The following CC2D2B variants were observed in gnomAD, a reference collection of about 807,000 sequenced individuals.
The protein encoded by CC2D2B is protein CC2D2B.
In CC2D2B, 128 loss-of-function variants were observed where a neutral mutation model predicts 161.2. The observed-to-expected ratio is 0.79, with a 90% CI of 0.69 to 0.92. The LOEUF (loss-of-function observed/expected upper bound fraction) is 0.92. CC2D2B is among the 40% of genes least tolerant of loss of function. CC2D2B has a pLI of 0.00. For missense variants in CC2D2B, 1,173 were observed against 1,375.1 expected, an observed-to-expected ratio of 0.85 and a Z score of 2.32; for synonymous variants, 391 against 449.8, an observed-to-expected ratio of 0.87 and a Z score of 1.65.
At chr10:96,021,862 G>A (rs549514996) in intron 32 of CC2D2B, among the ~76,000 whole-genome samples, 8 of 152,356 alleles carry the variant, frequency 5.3e-5, no homozygotes, top group Non-Finnish European at 7.3e-5. Context: ...AAATATGGAA[G>A]AATGCAAAGA....
intron 30 of CC2D2B, among the ~76,000 whole-genome samples, chr10:96,018,444 T>A (rs1487850877): frequency 6.6e-6 from 1 of 152,244 alleles, no homozygotes; most frequent in Non-Finnish European, 1.5e-5. Context: ...TTCCTATCTC[T>A]GCCTGGTGTT....
chr10:95,951,709 T>C (rs968372408), intron 10 of CC2D2B, among the ~76,000 whole-genome samples: 2 of 152,214 alleles, frequency 1.3e-5, no homozygotes, highest in Non-Finnish European at 2.9e-5. Flanking sequence ...AAAATCTGAT[T>C]TAGCAATATC....
chr10:95,968,515 A>G (rs1314804760), intron 14 of CC2D2B, among the ~76,000 whole-genome samples: 5 of 152,222 alleles, frequency 3.3e-5, no homozygotes, highest in Non-Finnish European at 5.9e-5. Context: ...TTTTGAATAC[A>G]TATTTTGAGT....
At position 95,950,082 on chromosome 10, in the gene CC2D2B, G is replaced by A; in HGVS notation, c.988G>A (p.Val330Ile). ...ECFQDRQQQNVSQLLYEKLKA... is the reference protein window; with the variant it reads ...ECFQDRQQQNISQLLYEKLKA... ...TTTTCAGGACAGGCAGCAACAGAAT[G>A]TATCTCAGCTGCTTTATGAGAAGGT... Residue 330 changes from valine to isoleucine, a missense_variant, in exon 10 of 35, where the codon GTA (valine) becomes ATA (isoleucine). This residue lies in a region of CC2D2B where 298 missense variants were observed against 261.2 expected (regional missense o/e 1.14). Coordinates refer to ENST00000646931, the MANE Select transcript of CC2D2B (RefSeq NM_001349008.3). 2 of 398,784 alleles carry A rather than the reference G, an allele frequency of 5.0e-6. No homozygotes were observed. 24.7% of individuals were successfully genotyped at this position (398,784 alleles called of 1,614,324 possible).
In CC2D2B at chr10:95,935,978, G is replaced by A. The variant is rs186734326; in HGVS notation, c.337-2013G>A. On this transcript the variant is annotated intron_variant, in intron 6 of 34. Coordinates refer to ENST00000646931, the MANE Select transcript of CC2D2B (RefSeq NM_001349008.3). ...ATTTGAATGAATATTGATTAAATGG[G>A]TATCAAACTTTCCTATGCTCTTAAT... Among the ~76,000 whole-genome samples, 7 of 152,202 alleles carry A rather than the reference G, an allele frequency of 4.6e-5. No individual in the cohort carries two copies. The East Asian group carries it at 1.4e-3, about 29-fold the overall frequency.
At chr10:95,930,746 T>C (rs1719685839) in intron 6 of CC2D2B, among the ~76,000 whole-genome samples, 1 of 152,192 alleles carries the variant, frequency 6.6e-6, no homozygotes, top group African/African-American at 2.4e-5. Context: ...CCACTGATCG[T>C]GGTGGATAAG....
intron 11 of CC2D2B, among the ~76,000 whole-genome samples, chr10:95,955,827 ATAT>A (rs1264266725): frequency 6.6e-6 from 1 of 152,206 alleles, no homozygotes; most frequent in Admixed American, 6.5e-5. Flanking sequence ...TGTGCAAGAT[ATAT>A]TATTATTTCA....
intron 19 of CC2D2B, among the ~76,000 whole-genome samples, chr10:95,987,425 A>G (rs2077774222): frequency 6.6e-6 from 1 of 152,204 alleles, no homozygotes; most frequent in Admixed American, 6.5e-5. Context: ...TTTCTTATGG[A>G]TAATTAGAAG....
intron 6 of CC2D2B, among the ~76,000 whole-genome samples, chr10:95,933,394 A>C (rs1014037607): frequency 6.6e-6 from 1 of 152,044 alleles, no homozygotes; most frequent in African/African-American, 2.4e-5. Context: ...CAATTCATCA[A>C]ACTTATTCTC....
rs2079827036 is a variant in CC2D2B, at chr10:96,027,315, C to T, written c.4051C>T (p.Leu1351=). 1 of 1,551,124 alleles carries T rather than the reference C, an allele frequency of 6.4e-7. No individual in the cohort carries two copies. The highest frequency in any genetic ancestry group is 8.7e-7 in the Non-Finnish European group (1 of 1,146,684). ...TFILRQILPK[L]EFGIGSFVSS... Reference sequence around the variant, plus strand: ...TATTTTGCGACAAATCCTTCCTAAGCTGGAATTTGGCATAGGAAGCTTTGT... The same window carrying T: ...TATTTTGCGACAAATCCTTCCTAAGTTGGAATTTGGCATAGGAAGCTTTGT... Residue 1351 remains leucine, a synonymous_variant, in exon 34 of 35, where the codon CTG becomes TTG. Transcript: ENST00000646931.
intron 24 of CC2D2B, among the ~76,000 whole-genome samples, chr10:96,002,405 A>C (rs2078538449): frequency 6.6e-6 from 1 of 152,178 alleles, no homozygotes; most frequent in Non-Finnish European, 1.5e-5. Context: ...TTAAATAATT[A>C]GCTCCATAAG....
At chr10:95,997,386 C>T (rs550769613) in intron 24 of CC2D2B, among the ~76,000 whole-genome samples, 1 of 151,934 alleles carries the variant, frequency 6.6e-6, no homozygotes, top group Non-Finnish European at 1.5e-5. Flanking sequence ...TTCAAATCAT[C>T]TAGACAGCTT....
intron 9 of CC2D2B, among the ~76,000 whole-genome samples, chr10:95,947,101 A>ATG (rs1564608832): frequency 3.4e-4 from 12 of 35,580 alleles, no homozygotes; most frequent in Admixed American, 7.2e-4. Flanking sequence ...ATATATATAT[A>ATG]TATATATATA....
At chr10:95,912,423 G>C (rs2098507999) in intron 2 of CC2D2B, among the ~76,000 whole-genome samples, 1 of 152,116 alleles carries the variant, frequency 6.6e-6, no homozygotes, top group Non-Finnish European at 1.5e-5. Context: ...ATGCTTAGGA[G>C]AGTGAAGGCT....
Position 95,968,812 on chromosome 10 carries a change from G to A in CC2D2B, c.1555G>A (p.Val519Ile). Residue 519 changes from valine to isoleucine, a missense_variant, in exon 15 of 35, where the codon GTA becomes ATA. Around this residue, in one of 3 missense-constraint regions of CC2D2B, gnomAD observed 277 missense variants for 420.6 expected, o/e 0.66. Coordinates refer to ENST00000646931, the MANE Select transcript of CC2D2B (RefSeq NM_001349008.3). ...YNNKQVSCTS[V>I]SPLQFDFKVM... ...CAATAAACAGGTTTCTTGTACTTCA[G>A]TATCTCCCCTACAGTTTGATTTTAA... The A allele has an allele frequency of 8.3e-7, 1 of 1,202,966 alleles. No homozygotes were observed. 74.5% of individuals were successfully genotyped at this position (1,202,966 alleles called of 1,614,324 possible).
At chr10:95,983,484 T>A (rs866028564) in intron 18 of CC2D2B, 122 bp from the exon 19 acceptor site, 8 of 417,614 alleles carry the variant, frequency 1.9e-5, no homozygotes, top group Middle Eastern at 6.1e-4. Flanking sequence ...GACTACAAAT[T>A]CAGTTGTTCC....
chr10:96,028,498 A>G (rs1330829063), intron 34 of CC2D2B, among the ~76,000 whole-genome samples: 2 of 152,218 alleles, frequency 1.3e-5, no homozygotes, highest in Non-Finnish European at 2.9e-5. Flanking sequence ...GGATGTGGAG[A>G]AAAGGAAACC....
At chr10:96,024,223 G>A (rs1488868689) in intron 32 of CC2D2B, among the ~76,000 whole-genome samples, 7 of 151,290 alleles carry the variant, frequency 4.6e-5, no homozygotes, top group Admixed American at 6.6e-5. Flanking sequence ...AGGGGAGGTT[G>A]AAATGGATTC....
chr10:95,926,315 C>T (rs2141190308), intron 5 of CC2D2B, among the ~76,000 whole-genome samples: 1 of 152,178 alleles, frequency 6.6e-6, no homozygotes, highest in Non-Finnish European at 1.5e-5. Context: ...GGTATATTTG[C>T]TCAGGAAGCA....
Sources: allele counts gnomAD v4.1 joint callset (sites outside exome capture counted in the v4.1 genomes callset), GRCh38; gene constraint gnomAD v4.1.1; regional missense constraint gnomAD v4.1.1; transcripts MANE v1.5; gene names NCBI Gene and HGNC (gene_info 2026-07-23, HGNC 2026-07-21).